Variants in UNC13C observed in about 807,000 individuals in gnomAD.
UNC13C encodes the protein protein unc-13 homolog C.
A neutral mutation model predicts 245.4 loss-of-function variants in UNC13C; 174 were observed. The observed-to-expected ratio is 0.71, with a 90% CI of 0.63 to 0.80. The LOEUF is 0.80. Ranked by LOEUF, UNC13C falls within the 30% of genes least tolerant of loss-of-function variation. The pLI is 0.00. For synonymous variants in UNC13C, 992 were observed against 895.1 expected (o/e 1.11, Z -1.93); for missense variants, 2,829 against 2,602.9 (o/e 1.09, Z -1.89).
At chr15:54,288,235 T>C (rs1167824185) in intron 10 of UNC13C, among the ~76,000 whole-genome samples, 1 of 152,184 alleles carries the variant, frequency 6.6e-6, no homozygotes, top group Non-Finnish European at 1.5e-5. Context: ...GTCAATCTTG[T>C]ATGACCTGCT....
Position 54,540,522 on chromosome 15 carries a change from G to C in UNC13C, c.5697-6200G>C, listed in dbSNP as rs377630694. ...GACTGAATTAAAGAGGCATTTGCTA[G>C]TTTGCCATTATTTTCTATTATTTAA... On this transcript the variant is annotated intron_variant, in intron 26 of 32. Transcript: ENST00000260323. 2.0e-5 allele frequency among the ~76,000 whole-genome samples: 3 copies of C among 152,156 alleles called. No homozygotes were observed. The East Asian group carries it at 5.8e-4, about 29-fold the overall frequency.
intron 19 of UNC13C, among the ~76,000 whole-genome samples, chr15:54,453,256 T>A (rs926970775): frequency 2.0e-5 from 3 of 152,218 alleles, no homozygotes; most frequent in African/African-American, 4.8e-5. Flanking sequence ...ACCCTTTTCC[T>A]GCACTGTTGA....
At chr15:54,286,358 G>GAAGT (rs1187864739) in intron 10 of UNC13C, among the ~76,000 whole-genome samples, 1 of 152,138 alleles carries the variant, frequency 6.6e-6, no homozygotes, top group African/African-American at 2.4e-5. Context: ...GTTGCAGTGT[G>GAAGT]AAGTATATTT....
chr15:54,216,592 T>G (rs1469586383), intron 4 of UNC13C, among the ~76,000 whole-genome samples: 1 of 151,722 alleles, frequency 6.6e-6, no homozygotes, highest in Non-Finnish European at 1.5e-5. Context: ...CTATACAAAT[T>G]TACTAGAGAG....
chr15:54,130,045 G>A (rs542505437), intron 2 of UNC13C, among the ~76,000 whole-genome samples: 7 of 151,016 alleles, frequency 4.6e-5, no homozygotes, highest in African/African-American at 1.7e-4. Flanking sequence ...ATATATGTAT[G>A]CATGTGATGT....
rs1262171779 is a variant in UNC13C, at chr15:54,085,734, A to G, written c.2984-57284A>G. Among the ~76,000 whole-genome samples the G allele has an allele frequency of 8.5e-5, 13 of 152,250 alleles. 1 individual carries two copies. The East Asian group carries it at 2.5e-3, about 29-fold the overall frequency. On this transcript the variant is annotated intron_variant, in intron 2 of 32. Transcript: ENST00000260323. Reference sequence around the variant, plus strand: ...AGTGCCTTTTAAAAAATCTTACCACACAATAAAAGAAAACTAGGCACAAGA... The same window carrying G: ...AGTGCCTTTTAAAAAATCTTACCACGCAATAAAAGAAAACTAGGCACAAGA...
At chr15:54,453,367 A>G in intron 19 of UNC13C, among the ~76,000 whole-genome samples, 1 of 151,986 alleles carries the variant, frequency 6.6e-6, no homozygotes, top group East Asian at 1.9e-4. Flanking sequence ...TTGAATCCTG[A>G]TGTTCTCTCT....
At chr15:54,333,077 A>T (rs1367031489) in intron 15 of UNC13C, among the ~76,000 whole-genome samples, 1 of 152,040 alleles carries the variant, frequency 6.6e-6, no homozygotes, top group Non-Finnish European at 1.5e-5. Flanking sequence ...GTTCAAGTTC[A>T]TGAATATCTC....
At chr15:54,080,416 T>C (rs1313531105) in intron 2 of UNC13C, among the ~76,000 whole-genome samples, 1 of 152,110 alleles carries the variant, frequency 6.6e-6, no homozygotes, top group African/African-American at 2.4e-5. Context: ...TCTTTGTACA[T>C]CTGGTAGAAT....
the UNC13C span, among the ~76,000 whole-genome samples, chr15:53,923,999 G>C: frequency 1.3e-5 from 2 of 152,200 alleles, no homozygotes; most frequent in Admixed American, 6.5e-5. Flanking sequence ...CTGAGGTCGG[G>C]AGTTCGGGAC....
chr15:54,227,331 A>T (rs1297866849), intron 4 of UNC13C, among the ~76,000 whole-genome samples: 1 of 152,096 alleles, frequency 6.6e-6, no homozygotes, highest in African/African-American at 2.4e-5. Flanking sequence ...CTGGCAGCCC[A>T]GTCCCCAGGC....
chr15:54,233,256 T>C (rs931224064), intron 4 of UNC13C, among the ~76,000 whole-genome samples: 4 of 151,982 alleles, frequency 2.6e-5, no homozygotes, highest in African/African-American at 9.7e-5. Flanking sequence ...GAGAAAGGGG[T>C]CTTTTAAATG....
chr15:54,033,052 T>C (rs757077676), intron 2 of UNC13C, among the ~76,000 whole-genome samples: 19 of 152,200 alleles, frequency 1.2e-4, no homozygotes, highest in Admixed American at 7.9e-4. Flanking sequence ...GCTTGGGTGA[T>C]GGGGGCACCA....
chr15:54,299,802 C>T (rs11635307), intron 12 of UNC13C, among the ~76,000 whole-genome samples: 38,718 of 151,902 alleles, frequency 0.25, 5,503 homozygotes, highest in East Asian at 0.4. Flanking sequence ...TGGAACTTGG[C>T]GATGTATGGT....
intron 23 of UNC13C, among the ~76,000 whole-genome samples, chr15:54,509,106 G>A (rs911600661): frequency 5.9e-5 from 9 of 152,190 alleles, no homozygotes; most frequent in African/African-American, 1.9e-4. Context: ...GGCTGAGGCA[G>A]GAGAATTGCT....
intron 2 of UNC13C, among the ~76,000 whole-genome samples, chr15:54,110,706 A>G (rs548779979): frequency 1.5e-3 from 225 of 152,280 alleles, no homozygotes; most frequent in Middle Eastern, 3.4e-3. Flanking sequence ...AGTACAGATC[A>G]AAGTTGGTTT....
chr15:53,853,835 G>A, the UNC13C span, among the ~76,000 whole-genome samples: 1 of 152,004 alleles, frequency 6.6e-6, no homozygotes, highest in African/African-American at 2.4e-5. Flanking sequence ...ACTTTTTAAT[G>A]GGGTTGTTTG....
intron 2 of UNC13C, among the ~76,000 whole-genome samples, chr15:54,038,357 C>A (rs541195665): frequency 4.6e-5 from 7 of 151,430 alleles, no homozygotes; most frequent in African/African-American, 1.7e-4. Flanking sequence ...GTCTGGGATT[C>A]CTGGCCTCAA....
At chr15:54,462,578 G>T (rs1891908010) in intron 19 of UNC13C, among the ~76,000 whole-genome samples, 1 of 152,240 alleles carries the variant, frequency 6.6e-6, no homozygotes, top group African/African-American at 2.4e-5. Context: ...GCCCCGGGGA[G>T]TGAGGGGCTT....
Sources: gnomAD v4.1 joint callset for allele counts (sites outside exome capture counted in the v4.1 genomes callset) on GRCh38, gnomAD v4.1.1 for gene constraint, MANE v1.5 for transcripts, NCBI Gene and HGNC (gene_info 2026-07-23, HGNC 2026-07-21) for gene names.